Variants in MAP2 observed in about 807,000 individuals in gnomAD.
MAP2 encodes the protein microtubule associated protein 2, also known as microtubule-associated protein 2.
Under a neutral mutation model 137.6 loss-of-function variants are expected in MAP2, and 14 were observed. That is an observed-to-expected ratio of 0.10 (90% CI 0.07 to 0.16). The LOEUF is 0.16. MAP2 is among the 10% of genes least tolerant of loss of function. MAP2 has a pLI of 1.00. For synonymous variants in MAP2, 786 were observed against 782.3 expected (o/e 1.00, Z -0.08); for missense variants, 2,088 against 2,191.5 (o/e 0.95, Z 0.94).
At chr2:209,547,082 T>TAC (rs1409631495) in intron 2 of MAP2, among the ~76,000 whole-genome samples, 1 of 152,132 alleles carries the variant, frequency 6.6e-6, no homozygotes, top group African/African-American at 2.4e-5. Context: ...ATTATATATA[T>TAC]ACCCTAAATT....
intron 3 of MAP2, among the ~76,000 whole-genome samples, chr2:209,585,252 A>AT (rs2077411347): frequency 6.6e-6 from 1 of 151,658 alleles, no homozygotes; most frequent in South Asian, 2.1e-4. Context: ...TGAATGAAGA[A>AT]TTAAAAAAAA....
At chr2:209,499,745 A>G (rs1255267413) in intron 1 of MAP2, among the ~76,000 whole-genome samples, 1 of 152,184 alleles carries the variant, frequency 6.6e-6, no homozygotes, top group East Asian at 1.9e-4. Flanking sequence ...TGGTGAAAGC[A>G]GGAGCAAGCC....
intron 2 of MAP2, among the ~76,000 whole-genome samples, chr2:209,566,418 A>G (rs542760499): frequency 6.6e-6 from 1 of 152,192 alleles, no homozygotes; most frequent in Non-Finnish European, 1.5e-5. Context: ...GCATTCAGCA[A>G]TGCCAGCTAT....
chr2:209,692,777 A>G lies in MAP2; in HGVS notation c.607A>G (p.Thr203Ala), dbSNP rs1399415332. The change falls in exon 8 of 16, where the codon ACA (threonine) becomes GCA (alanine). Residue 203 changes from threonine (T) to alanine (A), a missense_variant. Around this residue, in one of 6 missense-constraint regions of MAP2, gnomAD observed 859 missense variants for 794.5 expected, o/e 1.08. Coordinates refer to ENST00000682079, the MANE Select transcript of MAP2 (RefSeq NM_001375505.1). ...TGCTGCCTTAGTTTCTCAGCCAGAG[A>G]CAACTAAAACTTACCCTGATAAAAA... The part of the protein sequence containing the change: ...KHAALVSQPE[T>A]TKTYPDKKDM... 4.3e-6 allele frequency: 7 copies of G among 1,613,910 alleles called. No individual in the cohort carries two copies. In the African/African-American group the frequency reaches 6.7e-5, roughly 15 times the overall value.
intron 2 of MAP2, among the ~76,000 whole-genome samples, chr2:209,550,215 C>T (rs1303459636): frequency 6.6e-6 from 1 of 152,088 alleles, no homozygotes; most frequent in Non-Finnish European, 1.5e-5. Context: ...AAAACAACAT[C>T]CTGGCCTCTC....
intron 14 of MAP2, among the ~76,000 whole-genome samples, chr2:209,727,035 G>A (rs1008421771): frequency 2.6e-5 from 4 of 152,066 alleles, no homozygotes; most frequent in African/African-American, 9.7e-5. Flanking sequence ...GAAAAACAAA[G>A]ATAGGTAGAA....
intron 5 of MAP2, among the ~76,000 whole-genome samples, chr2:209,678,256 A>G (rs1005599288): frequency 6.6e-6 from 1 of 152,070 alleles, no homozygotes; most frequent in Admixed American, 6.6e-5. Context: ...ATTCTATAAC[A>G]GAGATGTCAT....
intron 13 of MAP2, among the ~76,000 whole-genome samples, chr2:209,718,024 T>C (rs1407319491): frequency 2.0e-5 from 3 of 152,192 alleles, no homozygotes; most frequent in Non-Finnish European, 4.4e-5. Flanking sequence ...CTTTTGTTTG[T>C]TTTGTTTTGT....
chr2:209,595,005 G>A (rs2080853702), intron 3 of MAP2, among the ~76,000 whole-genome samples: 5 of 152,112 alleles, frequency 3.3e-5, no homozygotes, highest in Admixed American at 3.3e-4. Flanking sequence ...ATTACAAGGT[G>A]ATCCCAAGGA....
At chr2:209,649,179 T>G (rs1308848741) in intron 4 of MAP2, among the ~76,000 whole-genome samples, 1 of 148,638 alleles carries the variant, frequency 6.7e-6, no homozygotes, top group Non-Finnish European at 1.5e-5. Flanking sequence ...ACCCAGCTAA[T>G]TAAAAAAAAA....
chr2:209,696,626 T>C lies in MAP2; in HGVS notation c.4265T>C (p.Leu1422Pro). 1.2e-6 allele frequency: 2 copies of C among 1,613,808 alleles called. No individual in the cohort carries two copies. The highest frequency in any genetic ancestry group is 1.7e-6 in the Non-Finnish European group (2 of 1,179,848). ...KAEKEARRSSLEKHRKEKPFK... is the reference protein window; with the variant it reads ...KAEKEARRSSPEKHRKEKPFK... ...GAAAAGGAAGCTCGGAGATCATCTC[T>C]TGAGAAACATAGAAAAGAAAAGCCT... Residue 1422 changes from leucine to proline, a missense_variant, in exon 9 of 16, where the codon CTT (leucine) becomes CCT (proline). Physicochemically the swap from Leu to Pro is moderately conservative, Grantham distance 98. Coordinates refer to ENST00000682079, the MANE Select transcript of MAP2 (RefSeq NM_001375505.1).
At chr2:209,607,764 C>G (rs1183981920) in intron 3 of MAP2, among the ~76,000 whole-genome samples, 1 of 152,200 alleles carries the variant, frequency 6.6e-6, no homozygotes, top group Middle Eastern at 3.2e-3. Context: ...GCTGCCTACC[C>G]CACTGGTGTG....
chr2:209,434,909 T>TTATATATATATGTTATATATATATGTTA lies in MAP2; in HGVS notation c.-222+10642_-222+10643insATGTTATATATATATGTTATATATATAT, dbSNP rs1037543369. Among the ~76,000 whole-genome samples the TTATATATATATGTTATATATATATGTTA allele has an allele frequency of 4.3e-4, 58 of 135,166 alleles. 2 individuals carry two copies. The highest frequency in any genetic ancestry group is 1.6e-3 in the African/African-American group (54 of 34,044). 88.7% of individuals were successfully genotyped at this position (135,166 alleles called of 152,430 possible). On this transcript the variant is annotated intron_variant, in intron 1 of 15. Transcript: ENST00000682079. Reference sequence around the variant, plus strand: ...GTTATATATATGTTATATATATATGTTATATATATGTTATATATATATGTT... The same window carrying TTATATATATATGTTATATATATATGTTA: ...GTTATATATATGTTATATATATATGTTATATATATATGTTATATATATATGTTATATATATATGTTATATATATATGTT...
intron 1 of MAP2, among the ~76,000 whole-genome samples, chr2:209,494,527 A>T (rs1162936313): frequency 6.6e-6 from 1 of 152,060 alleles, no homozygotes; most frequent in Admixed American, 6.5e-5. Context: ...TACCAGCGCC[A>T]TGACAGTTTA....
intron 1 of MAP2, among the ~76,000 whole-genome samples, chr2:209,448,917 T>C (rs1361409949): frequency 1.3e-5 from 2 of 152,188 alleles, no homozygotes; most frequent in Non-Finnish European, 2.9e-5. Context: ...CACCATACCA[T>C]GTGGTAGCCA....
At chr2:209,451,829 C>A (rs1409374541) in intron 1 of MAP2, among the ~76,000 whole-genome samples, 1 of 152,072 alleles carries the variant, frequency 6.6e-6, no homozygotes, top group Non-Finnish European at 1.5e-5. Context: ...TCAGTAAGGA[C>A]TTTATCTTTA....
Position 209,653,341 on chromosome 2 carries a change from C to T in MAP2, c.171C>T (p.Ala57=). 6.2e-7 allele frequency: 1 copy of T among 1,614,046 alleles called. No individual in the cohort carries two copies. The highest frequency in any genetic ancestry group is 8.5e-7 in the Non-Finnish European group (1 of 1,179,994). ...CATACAGGGAGGATGAAGAGGGTGCCTTTGGAGAGCATGGGTCACAGGGCA... is the reference window on the plus strand; with the variant it reads ...CATACAGGGAGGATGAAGAGGGTGCTTTTGGAGAGCATGGGTCACAGGGCA... The part of the protein sequence containing the change: ...GFPYREDEEG[A]FGEHGSQGTY... Residue 57 remains alanine (A), a synonymous_variant, in exon 5 of 16, where the codon GCC becomes GCT. Transcript: ENST00000682079.
intron 14 of MAP2, among the ~76,000 whole-genome samples, chr2:209,727,848 A>G (rs2074621148): frequency 6.6e-6 from 1 of 152,208 alleles, no homozygotes; most frequent in Non-Finnish European, 1.5e-5. Context: ...GAATTTCTAG[A>G]GGGACTTCAT....
intron 5 of MAP2, among the ~76,000 whole-genome samples, chr2:209,664,757 C>A (rs1249029117): frequency 6.6e-6 from 1 of 151,796 alleles, no homozygotes; most frequent in Non-Finnish European, 1.5e-5. Context: ...GTCAGGAGAT[C>A]GGGACTATCC....
Sources: gnomAD v4.1 joint callset for allele counts (sites outside exome capture counted in the v4.1 genomes callset) on GRCh38, gnomAD v4.1.1 for gene constraint, gnomAD v4.1.1 regional missense constraint, MANE v1.5 for transcripts, NCBI Gene and HGNC (gene_info 2026-07-23, HGNC 2026-07-21) for gene names.